Variants in ROS1 observed in about 807,000 individuals in gnomAD.
ROS1 encodes the protein proto-oncogene tyrosine-protein kinase ROS.
Under a neutral mutation model 273.5 loss-of-function variants are expected in ROS1, and 263 were observed. The observed-to-expected ratio is 0.96, with a 90% confidence interval of 0.87 to 1.06. ROS1 has a LOEUF of 1.06. ROS1 is among the 50% of genes least tolerant of loss of function. The pLI, the probability that ROS1 is intolerant of heterozygous loss-of-function variation, is 0.00. For synonymous variants in ROS1, 1,008 were observed against 954.1 expected (o/e 1.06, Z -1.04); for missense variants, 2,833 against 2,751.1 (o/e 1.03, Z -0.67).
At chr6:117,361,568 T>A (rs945295289) in intron 22 of ROS1, among the ~76,000 whole-genome samples, 1 of 148,418 alleles carries the variant, frequency 6.7e-6, no homozygotes, top group Non-Finnish European at 1.5e-5. Context: ...TTATATATTC[T>A]ATATAAATAC....
At position 117,374,347 on chromosome 6, in the gene ROS1, G is replaced by A. The variant is rs538294201; in HGVS notation, c.2582+4712C>T. Among the ~76,000 whole-genome samples the A allele has an allele frequency of 5.3e-5, 8 of 152,182 alleles. No homozygotes were observed. In the East Asian group the frequency reaches 5.8e-4, roughly 11 times the overall value. On this transcript the variant is annotated intron_variant, in intron 18 of 43. Transcript: ENST00000368507. Reference sequence around the variant, plus strand: ...CCAGAAATAAAGCCAACTGATCTTCGACAAAGCAAACAAAAACTAAAGTAG... The same window carrying A: ...CCAGAAATAAAGCCAACTGATCTTCAACAAAGCAAACAAAAACTAAAGTAG...
intron 17 of ROS1, among the ~76,000 whole-genome samples, chr6:117,379,898 C>A (rs1712524815): frequency 6.6e-6 from 1 of 152,062 alleles, no homozygotes; most frequent in Admixed American, 6.5e-5. Context: ...GCCCTATTTC[C>A]AGATGACATA....
At chr6:117,374,776 GA>G (rs1346571805) in intron 18 of ROS1, among the ~76,000 whole-genome samples, 1 of 152,108 alleles carries the variant, frequency 6.6e-6, no homozygotes, top group Non-Finnish European at 1.5e-5. Context: ...AAATCAACAA[GA>G]AAAAAGCAAA....
intron 5 of ROS1, among the ~76,000 whole-genome samples, chr6:117,406,140 GTC>G (rs887783530): frequency 1.3e-4 from 19 of 150,268 alleles, no homozygotes; most frequent in East Asian, 2.0e-4. Context: ...ATGAGACTCT[GTC>G]TCTCTCTCTC....
chr6:117,380,748 T>C (rs1192014322), intron 17 of ROS1, among the ~76,000 whole-genome samples: 2 of 152,092 alleles, frequency 1.3e-5, no homozygotes, highest in East Asian at 1.9e-4. Context: ...TCCATACCTT[T>C]TATATAAACC....
chr6:117,409,765 T>C (rs1774753056), intron 4 of ROS1, 123 bp from the exon 5 acceptor site: 1 of 731,474 alleles, frequency 1.4e-6, no homozygotes, highest in African/African-American at 1.7e-5. Context: ...AATATACGAG[T>C]AAATCTTTGA....
intron 1 of ROS1, among the ~76,000 whole-genome samples, chr6:117,421,101 T>A (rs969136240): frequency 6.6e-6 from 1 of 150,828 alleles, no homozygotes; most frequent in African/African-American, 2.4e-5. Flanking sequence ...TTATTTTTAT[T>A]CTGCAATTCT....
At chr6:117,414,002 G>A (rs1312188219) in intron 4 of ROS1, among the ~76,000 whole-genome samples, 1 of 147,940 alleles carries the variant, frequency 6.8e-6, no homozygotes, top group African/African-American at 2.6e-5. Context: ...AAGAAAGAGA[G>A]AGAAAGAGAG....
intron 39 of ROS1, among the ~76,000 whole-genome samples, chr6:117,316,084 T>A (rs898127970): frequency 6.6e-6 from 1 of 152,170 alleles, no homozygotes; most frequent in South Asian, 2.1e-4. Flanking sequence ...ATGGTTTATC[T>A]GCAAAATTGT....
rs1042689998 is a variant in ROS1, at chr6:117,353,174, T to G, written c.4127-8A>C. On this transcript the variant is annotated splice_polypyrimidine_tract_variant and splice_region_variant and intron_variant, in intron 26 of 43. Transcript: ENST00000368507. ...AGCTAACAAGGGTTTTTCCTGCTGT[T>G]AAAAACATAAGGAATATAAAGAACA... The G allele has an allele frequency of 1.1e-5, 17 of 1,592,100 alleles. No homozygotes were observed. The Middle Eastern group carries it at 6.7e-4, about 63-fold the overall frequency.
At chr6:117,371,148 C>T (rs1780730585) in intron 18 of ROS1, among the ~76,000 whole-genome samples, 1 of 152,150 alleles carries the variant, frequency 6.6e-6, no homozygotes, top group Non-Finnish European at 1.5e-5. Context: ...TGAACTTTTG[C>T]TCCAAGAACT....
rs1177205025 is a variant in ROS1, at chr6:117,301,177, G to C, written c.6552-40C>G. On this transcript the variant is annotated intron_variant, in intron 42 of 43. Transcript: ENST00000368507. Reference sequence around the variant, plus strand: ...AAAGATGGGAAAGTAAATAGCAATTGGATATAATTACTGATAACCCAGGTA... The same window carrying C: ...AAAGATGGGAAAGTAAATAGCAATTCGATATAATTACTGATAACCCAGGTA... The C allele has an allele frequency of 2.0e-6, 3 of 1,500,922 alleles. No individual in the cohort carries two copies. In the African/African-American group the frequency reaches 4.3e-5, roughly 21 times the overall value. 93.0% of individuals were successfully genotyped at this position (1,500,922 alleles called of 1,614,324 possible).
At chr6:117,318,947 G>T (rs1776097839) in intron 37 of ROS1, among the ~76,000 whole-genome samples, 2 of 152,266 alleles carry the variant, frequency 1.3e-5, no homozygotes, top group Non-Finnish European at 2.9e-5. Context: ...ACCAAAGCCA[G>T]CAGTCATCTT....
intron 13 of ROS1, among the ~76,000 whole-genome samples, chr6:117,388,825 A>G (rs9374655): frequency 0.49 from 74,890 of 151,994 alleles, 19,319 homozygotes; most frequent in African/African-American, 0.64. Context: ...AATATTCCCC[A>G]TTTCCAGGTG....
intron 11 of ROS1, 86 bp downstream of exon 11, chr6:117,394,076 G>C: frequency 1.2e-6 from 1 of 810,330 alleles, no homozygotes; most frequent in Non-Finnish European, 1.9e-6. Context: ...ATTGAATAAG[G>C]CAATTGTGTT....
At chr6:117,421,679 ACTT>A (rs1175882635) in intron 1 of ROS1, among the ~76,000 whole-genome samples, 1 of 152,086 alleles carries the variant, frequency 6.6e-6, no homozygotes, top group Admixed American at 6.6e-5. Flanking sequence ...GGACACTTAT[ACTT>A]CTTTTTTGAA....
chr6:117,335,697 G>C (rs1371687880), intron 32 of ROS1, among the ~76,000 whole-genome samples: 2 of 152,190 alleles, frequency 1.3e-5, no homozygotes, highest in Non-Finnish European at 2.9e-5. Context: ...GGACATGGAT[G>C]AAGCTGGAAG....
intron 17 of ROS1, among the ~76,000 whole-genome samples, chr6:117,380,783 A>T (rs1459114085): frequency 1.3e-5 from 2 of 152,086 alleles, no homozygotes; most frequent in African/African-American, 4.8e-5. Context: ...TAAAACCCTT[A>T]TGCTAAATTT....
At position 117,357,786 on chromosome 6, in the gene ROS1, A is replaced by G; in HGVS notation, c.3839+18T>C. 2.0e-6 allele frequency: 3 copies of G among 1,489,390 alleles called. No homozygotes were observed. Among genetic ancestry groups the G allele is most frequent in the Admixed American group, 1.7e-5 (1 of 58,548 alleles). 92.3% of individuals were successfully genotyped at this position (1,489,390 alleles called of 1,614,324 possible). ...ATCTATTTCATCACAATATAAAAAA[A>G]TACTTGCATTTACATACCTTAAAAG... On this transcript the variant is annotated intron_variant, in intron 25 of 43. Coordinates refer to ENST00000368507, the MANE Select transcript of ROS1 (RefSeq NM_001378902.1).
Sources: allele counts gnomAD v4.1 joint callset (sites outside exome capture counted in the v4.1 genomes callset), GRCh38; gene constraint gnomAD v4.1.1; transcripts MANE v1.5; gene names NCBI Gene and HGNC (gene_info 2026-07-23, HGNC 2026-07-21).